Variants in EIF2AK4 observed in about 807,000 individuals in gnomAD.
EIF2AK4 encodes the protein eIF-2-alpha kinase GCN2.
In EIF2AK4, 139 loss-of-function variants were observed where a neutral mutation model predicts 211.1. The observed-to-expected ratio is 0.66, with a 90% confidence interval of 0.57 to 0.76. The LOEUF (loss-of-function observed/expected upper bound fraction) is 0.76. EIF2AK4 is among the 30% of genes least tolerant of loss of function. The pLI is 0.00. For synonymous variants in EIF2AK4, 710 were observed against 751.3 expected, an observed-to-expected ratio of 0.94 and a Z score of 0.90; for missense variants, 1,664 against 2,043.8, an observed-to-expected ratio of 0.81 and a Z score of 3.58.
At chr15:39,934,584 C>T (rs2034035424) in intron 1 of EIF2AK4, among the ~76,000 whole-genome samples, 1 of 152,202 alleles carries the variant, frequency 6.6e-6, no homozygotes, top group South Asian at 2.1e-4. Context: ...TGGATTCCTC[C>T]CTCTTACCTG....
chr15:39,981,036 A>G (rs2034775304), intron 13 of EIF2AK4, among the ~76,000 whole-genome samples: 1 of 152,212 alleles, frequency 6.6e-6, no homozygotes, highest in African/African-American at 2.4e-5. Flanking sequence ...ATCACTACTA[A>G]TAAACATTTA....
chr15:39,969,489 T>C (rs2034593477), intron 9 of EIF2AK4, among the ~76,000 whole-genome samples: 1 of 151,068 alleles, frequency 6.6e-6, no homozygotes, highest in South Asian at 2.1e-4. Flanking sequence ...GCCTCCTGAG[T>C]AGCTGGGTCT....
At chr15:40,012,730 T>C (rs893749438) in intron 27 of EIF2AK4, among the ~76,000 whole-genome samples, 3 of 152,198 alleles carry the variant, frequency 2.0e-5, no homozygotes, top group African/African-American at 7.2e-5. Context: ...GTTGTTCACA[T>C]GTCAACTTCT....
chr15:39,974,509 A>G (rs2140917268), intron 11 of EIF2AK4: 1 of 152,328 alleles, frequency 6.6e-6, no homozygotes, highest in African/African-American at 2.4e-5. Flanking sequence ...CTTTTACACT[A>G]AAAAAGGAAT....
At chr15:39,966,261 G>A (rs1225596595) in intron 8 of EIF2AK4, among the ~76,000 whole-genome samples, 1 of 152,150 alleles carries the variant, frequency 6.6e-6, no homozygotes, top group Non-Finnish European at 1.5e-5. Flanking sequence ...CTTGAGCCCA[G>A]GAGGTTGAGA....
At chr15:40,032,015 C>T (rs781106038) in intron 35 of EIF2AK4, among the ~76,000 whole-genome samples, 154 bp from the exon 36 acceptor site, 8 of 152,228 alleles carry the variant, frequency 5.3e-5, no homozygotes, top group Non-Finnish European at 1.2e-4. Flanking sequence ...CATGAGCCAT[C>T]GTACCCAGCC....
At chr15:39,998,888 C>T (rs1205037578) in intron 20 of EIF2AK4, 104 bp downstream of exon 20, 7 of 947,714 alleles carry the variant, frequency 7.4e-6, no homozygotes, top group Non-Finnish European at 1.1e-5. Context: ...TCTCTTGTGT[C>T]CTGGGAACAA....
intron 27 of EIF2AK4, among the ~76,000 whole-genome samples, chr15:40,014,203 C>T (rs2035275612): frequency 6.6e-6 from 1 of 152,232 alleles, no homozygotes; most frequent in African/African-American, 2.4e-5. Flanking sequence ...TGTGGCTTTG[C>T]AGGGTACAGC....
intron 4 of EIF2AK4, among the ~76,000 whole-genome samples, chr15:39,951,026 C>T (rs748983094): frequency 6.6e-6 from 1 of 152,126 alleles, no homozygotes; most frequent in Admixed American, 6.5e-5. Context: ...ACGGCCAATA[C>T]GTGATTTCTG....
intron 18 of EIF2AK4, 50 bp downstream of exon 18, chr15:39,992,898 A>G (rs1299428204): frequency 6.4e-7 from 1 of 1,559,956 alleles, no homozygotes; most frequent in Non-Finnish European, 8.8e-7. Flanking sequence ...GTAATAGGAC[A>G]TCTAGATCAC....
At chr15:39,970,122 C>T (rs1259450150) in intron 9 of EIF2AK4, among the ~76,000 whole-genome samples, 1 of 152,230 alleles carries the variant, frequency 6.6e-6, no homozygotes, top group Non-Finnish European at 1.5e-5. Context: ...TGCTGGTTTT[C>T]ATCACCATCC....
Position 40,003,291 on chromosome 15 carries a change from G to A in EIF2AK4, c.3334G>A (p.Val1112Met). 1.2e-6 allele frequency: 2 copies of A among 1,614,164 alleles called. No homozygotes were observed. The highest frequency in any genetic ancestry group is 1.7e-6 in the Non-Finnish European group (2 of 1,180,010). The part of the protein sequence containing the change: ...ALFMDHSGML[V>M]MLPFDLRIPF... ...ATTCATGGACCACAGCGGGATGCTG[G>A]TGATGCTTCCTTTTGACCTGCGGGT... The change falls in exon 23 of 39, where the codon GTG (valine) becomes ATG (methionine). Residue 1112 changes from valine to methionine, a missense_variant. Val to Met is a conservative substitution (Grantham distance 21, BLOSUM62 1). Transcript: ENST00000263791.
At position 40,022,128 on chromosome 15, in the gene EIF2AK4, T is replaced by G. The variant is rs2035396283; in HGVS notation, c.4303-391T>G. On this transcript the variant is annotated intron_variant, in intron 31 of 38. Coordinates refer to ENST00000263791, the MANE Select transcript of EIF2AK4 (RefSeq NM_001013703.4). ...TGGTTTGCTTCTTCAGTTCTGCTTT[T>G]CACCTTCCCTTATTTCCTTTGTTTC... 2.9e-5 allele frequency: 5 copies of G among 170,016 alleles called. No individual in the cohort carries two copies. In the South Asian group the frequency reaches 7.8e-4, roughly 26 times the overall value. 10.5% of individuals were successfully genotyped at this position (170,016 alleles called of 1,614,324 possible).
rs765183517 is a variant in EIF2AK4, at chr15:40,030,424, T to TCAGC, written c.4632_4635dup (p.Thr1546GlnfsTer3). 1 of 1,614,094 alleles carries TCAGC rather than the reference T, an allele frequency of 6.2e-7. No individual in the cohort carries two copies. Among genetic ancestry groups the TCAGC allele is most frequent in the Non-Finnish European group, 8.5e-7 (1 of 1,180,018 alleles). On this transcript the variant is annotated frameshift_variant, in exon 35 of 39. Transcript: ENST00000263791. LOFTEE classifies it high-confidence loss of function. ...GAGTGTGCTAGCCCCGGAGAAGCTG[T>TCAGC]CAGCCAGCACTAGGAGGCGCTATGA...
intron 13 of EIF2AK4, among the ~76,000 whole-genome samples, chr15:39,982,523 GCTT>G (rs1380335582): frequency 6.6e-6 from 1 of 152,132 alleles, no homozygotes; most frequent in East Asian, 1.9e-4. Flanking sequence ...AATTCTGTGA[GCTT>G]CTTTTTTTTC....
intron 34 of EIF2AK4, among the ~76,000 whole-genome samples, chr15:40,029,935 A>G (rs1684710748): frequency 6.6e-6 from 1 of 152,202 alleles, no homozygotes; most frequent in Non-Finnish European, 1.5e-5. Context: ...AGGCCATGAG[A>G]AGACATATTT....
intron 3 of EIF2AK4, among the ~76,000 whole-genome samples, chr15:39,948,345 A>G (rs946626795): frequency 6.6e-6 from 1 of 152,170 alleles, no homozygotes; most frequent in Non-Finnish European, 1.5e-5. Context: ...TTCCTCATCC[A>G]CCAAAGGATC....
intron 19 of EIF2AK4, among the ~76,000 whole-genome samples, chr15:39,997,813 C>T (rs1418849162): frequency 6.6e-6 from 1 of 152,150 alleles, no homozygotes; most frequent in Non-Finnish European, 1.5e-5. Context: ...ATGAGCAAAC[C>T]GCATTAAGAT....
intron 23 of EIF2AK4, among the ~76,000 whole-genome samples, chr15:40,006,120 G>T (rs191089327): frequency 6.6e-5 from 10 of 152,242 alleles, no homozygotes; most frequent in Admixed American, 2.6e-4. Flanking sequence ...TTTTTGGAGG[G>T]GGGAGTGGAA....
Sources: allele counts gnomAD v4.1 joint callset (sites outside exome capture counted in the v4.1 genomes callset), GRCh38; gene constraint gnomAD v4.1.1; transcripts MANE v1.5; gene names NCBI Gene and HGNC (gene_info 2026-07-23, HGNC 2026-07-21).